The following FEM1C variants were observed in gnomAD, a reference collection of about 807,000 sequenced individuals.
FEM1C encodes the protein protein fem-1 homolog C.
FEM1C carries 15 observed loss-of-function variants against 37.6 expected under a neutral mutation model. The ratio of observed to expected loss-of-function variants is 0.40; its 90% CI spans 0.27 to 0.61. The LOEUF (loss-of-function observed/expected upper bound fraction) is 0.61. Ranked by LOEUF, FEM1C falls within the 20% of genes least tolerant of loss-of-function variation. FEM1C has a pLI of 0.42. For synonymous variants in FEM1C, 287 were observed against 272.8 expected, an observed-to-expected ratio of 1.05 and a Z score of -0.51; for missense variants, 532 against 749.7, an observed-to-expected ratio of 0.71 and a Z score of 3.39.
Position 115,524,713 on chromosome 5 carries a change from G to T in FEM1C, c.1449C>A (p.Phe483Leu). ...TGTCCACAGCCAGATGAAGAGGGCT[G>T]AAGTTATTCTTTCCCCTTGGATGCA... ...LKLHPRGKNN[F>L]SPLHLAVDKN... Residue 483 changes from phenylalanine (F) to leucine (L), a missense_variant, in exon 3 of 3, where the codon TTC (phenylalanine) becomes TTA (leucine). Physicochemically the swap from Phe to Leu is conservative, Grantham distance 22 (BLOSUM62 0). Around this residue, in one of 3 missense-constraint regions of FEM1C, gnomAD observed 237 missense variants for 260.5 expected, o/e 0.91. Transcript: ENST00000274457. 6.5e-7 allele frequency: 1 copy of T among 1,542,172 alleles called. No homozygotes were observed. Among genetic ancestry groups the T allele is most frequent in the Non-Finnish European group, 8.7e-7 (1 of 1,149,068 alleles).
intron 2 of FEM1C, among the ~76,000 whole-genome samples, chr5:115,533,554 T>C (rs1055811168): frequency 5.9e-5 from 9 of 151,992 alleles, no homozygotes; most frequent in Non-Finnish European, 1.0e-4. Context: ...ACATAATTGA[T>C]TTAAAGTTTT....
At chr5:115,527,267 T>C (rs1485546548) in intron 2 of FEM1C, among the ~76,000 whole-genome samples, 1 of 152,146 alleles carries the variant, frequency 6.6e-6, no homozygotes, top group African/African-American at 2.4e-5. Flanking sequence ...GAAAGTATTT[T>C]AAACCTGAAT....
chr5:115,536,574 G>GA (rs918821180), intron 2 of FEM1C, among the ~76,000 whole-genome samples: 28 of 151,654 alleles, frequency 1.8e-4, no homozygotes, highest in Non-Finnish European at 3.0e-4. Flanking sequence ...GGGATAAAGG[G>GA]AAAAAAACAA....
chr5:115,532,541 G>A (rs256939), intron 2 of FEM1C, among the ~76,000 whole-genome samples: 92,644 of 149,302 alleles, frequency 0.62, 29,680 homozygotes, highest in African/African-American at 0.81. Context: ...AAACAGAGGG[G>A]AAAAAAAAAA....
At chr5:115,541,023 A>C (rs919650386) in intron 2 of FEM1C, among the ~76,000 whole-genome samples, 2 of 152,100 alleles carry the variant, frequency 1.3e-5, no homozygotes, top group Non-Finnish European at 2.9e-5. Flanking sequence ...CTGTCATTTG[A>C]TCTACCAAGC....
intron 2 of FEM1C, among the ~76,000 whole-genome samples, chr5:115,537,773 G>A (rs186552363): frequency 6.6e-6 from 1 of 151,992 alleles, no homozygotes; most frequent in Admixed American, 6.6e-5. Flanking sequence ...GGTGTGCTGA[G>A]GTAACCAACA....
In FEM1C at chr5:115,541,397, T is replaced by C. The variant is rs373297692; in HGVS notation, c.544+1553A>G. On this transcript the variant is annotated intron_variant, in intron 2 of 2. Coordinates refer to ENST00000274457, the MANE Select transcript of FEM1C (RefSeq NM_020177.3). ...TCATTTTTATAAAAGATCACACTTG[T>C]ATCATTTTTATAAAAGATCACACAA... Among the ~76,000 whole-genome samples the C allele has an allele frequency of 1.3e-4, 20 of 152,084 alleles. No individual in the cohort carries two copies. In the East Asian group the frequency reaches 1.7e-3, roughly 13 times the overall value.
In FEM1C at chr5:115,544,199, G is replaced by C. The variant is rs1437597680; in HGVS notation, c.-191+324C>G. On this transcript the variant is annotated intron_variant, in intron 1 of 2. Coordinates refer to ENST00000274457, the MANE Select transcript of FEM1C (RefSeq NM_020177.3). ...TTCTCTTTCCTTTAAAACTACTCACGGCTCTCAGGAAATCCGCCTGCCTTT... is the reference window on the plus strand; with the variant it reads ...TTCTCTTTCCTTTAAAACTACTCACCGCTCTCAGGAAATCCGCCTGCCTTT... 6.1e-6 allele frequency: 6 copies of C among 984,018 alleles called. No homozygotes were observed. The East Asian group carries it at 3.4e-4, about 56-fold the overall frequency. The allele number at this position is 984,018 out of a possible 1,614,324, so 61.0% of individuals were successfully genotyped here.
rs984434760 is a variant in FEM1C at position 115,523,958 on chromosome 5, G to A, written c.*350C>T. ...AAGCAAGAAAAAAAGACTTTCAATT[G>A]TATAAAATTCACAAACCAGTAAAGT... On this transcript the variant is annotated 3_prime_UTR_variant, in exon 3 of 3. Transcript: ENST00000274457. 15 of 192,576 alleles carry A rather than the reference G, an allele frequency of 7.8e-5. No homozygotes were observed. The highest frequency in any genetic ancestry group is 2.1e-4 in the Admixed American group (4 of 18,746). The allele number at this position is 192,576 out of a possible 1,614,324, so 11.9% of individuals were successfully genotyped here. A position where few individuals can be genotyped will look rare whatever the true frequency, so the allele number is the denominator to read the frequency against.
Position 115,543,599 on chromosome 5 carries a change from T to G in FEM1C, c.-106A>C, listed in dbSNP as rs1297638659. ...CACAGGAACCAAAGTCCAATGTTAA[T>G]TGCTGCACCCCAGAACGGATACACA... is the stretch of plus-strand genomic sequence containing the variant. On this transcript the variant is annotated 5_prime_UTR_variant, in exon 2 of 3. Transcript: ENST00000274457. The G allele has an allele frequency of 6.7e-7, 1 of 1,484,804 alleles. No homozygotes were observed. Among genetic ancestry groups the G allele is most frequent in the Non-Finnish European group, 8.9e-7 (1 of 1,127,058 alleles). The allele number at this position is 1,484,804 out of a possible 1,614,324, so 92.0% of individuals were successfully genotyped here.
At position 115,524,681 on chromosome 5, in the gene FEM1C, G is replaced by A; in HGVS notation, c.1481C>T (p.Thr494Ile). ...AACAGGGTACCGCCCTACACATGTA[G>A]TATTCTTGTCCACAGCCAGATGAAG... ...SPLHLAVDKN[T>I]TCVGRYPVCK... The change falls in exon 3 of 3, where the codon ACT (threonine) becomes ATT (isoleucine). Residue 494 changes from threonine to isoleucine, a missense_variant. This residue lies in a region of FEM1C where 237 missense variants were observed against 260.5 expected (regional missense o/e 0.91). Coordinates refer to ENST00000274457, the MANE Select transcript of FEM1C (RefSeq NM_020177.3). 6.5e-7 allele frequency: 1 copy of A among 1,548,578 alleles called. No individual in the cohort carries two copies. The highest frequency in any genetic ancestry group is 8.7e-7 in the Non-Finnish European group (1 of 1,152,120).
intron 1 of FEM1C, among the ~76,000 whole-genome samples, 185 bp downstream of exon 1, chr5:115,544,338 C>A (rs1554089903): frequency 6.6e-6 from 1 of 151,588 alleles, no homozygotes; most frequent in Non-Finnish European, 1.5e-5. Flanking sequence ...TCTCCCTGTT[C>A]CAGACAACGG....
intron 2 of FEM1C, among the ~76,000 whole-genome samples, chr5:115,537,173 T>C (rs1754146344): frequency 6.6e-6 from 1 of 152,048 alleles, no homozygotes; most frequent in Admixed American, 6.6e-5. Flanking sequence ...CTTCCACTTC[T>C]ATCTTCCATC....
chr5:115,523,848 G>C lies in FEM1C; in HGVS notation c.*460C>G, dbSNP rs1753824966. On this transcript the variant is annotated 3_prime_UTR_variant, in exon 3 of 3. Coordinates refer to ENST00000274457, the MANE Select transcript of FEM1C (RefSeq NM_020177.3). ...CTTAAGGTTTGTACAACCTAGTATG[G>C]GTCCATAAGGAAAAAACTGTAGTAG... 1 of 167,846 alleles carries C rather than the reference G, an allele frequency of 6.0e-6. No homozygotes were observed. Among genetic ancestry groups the C allele is most frequent in the Admixed American group, 5.6e-5 (1 of 17,842 alleles). 10.4% of individuals were successfully genotyped at this position (167,846 alleles called of 1,614,324 possible).
At position 115,523,617 on chromosome 5, in the gene FEM1C, T is replaced by C. The variant is rs760616653; in HGVS notation, c.*691A>G. The C allele has an allele frequency of 1.3e-5, 2 of 152,518 alleles. No homozygotes were observed. The highest frequency in any genetic ancestry group is 2.4e-5 in the African/African-American group (1 of 41,458). The allele number at this position is 152,518 out of a possible 1,614,324, so 9.4% of individuals were successfully genotyped here. A position where few individuals can be genotyped will look rare whatever the true frequency, so the allele number is the denominator to read the frequency against. On this transcript the variant is annotated 3_prime_UTR_variant, in exon 3 of 3. Transcript: ENST00000274457. ...AAAAAACAAACAAAAAAGCTTGAGC[T>C]ATAATAGCTAACCTGCAGCTCTAAA... is the stretch of plus-strand genomic sequence containing the variant.
At chr5:115,532,442 G>T (rs1345134516) in intron 2 of FEM1C, among the ~76,000 whole-genome samples, 1 of 151,808 alleles carries the variant, frequency 6.6e-6, no homozygotes, top group Non-Finnish European at 1.5e-5. Context: ...AACAGGTTAA[G>T]TGTATAACCA....
In FEM1C at chr5:115,524,265, T is replaced by C; in HGVS notation, c.*43A>G. On this transcript the variant is annotated 3_prime_UTR_variant, in exon 3 of 3. Transcript: ENST00000274457. ...ACAGTGCTCATTTATGAAACAACTG[T>C]TACCAATTCGTGCTTTAACAGTGCT... 8 of 1,517,900 alleles carry C rather than the reference T, an allele frequency of 5.3e-6. No individual in the cohort carries two copies. Among genetic ancestry groups the C allele is most frequent in the Non-Finnish European group, 7.3e-6 (8 of 1,096,696 alleles). 94.0% of individuals were successfully genotyped at this position (1,517,900 alleles called of 1,614,324 possible). A position where few individuals can be genotyped will look rare whatever the true frequency, so the allele number is the denominator to read the frequency against.
At chr5:115,529,907 T>C (rs566230208) in intron 2 of FEM1C, among the ~76,000 whole-genome samples, 3 of 151,650 alleles carry the variant, frequency 2.0e-5, no homozygotes, top group Admixed American at 6.6e-5. Flanking sequence ...AATCCAAAAG[T>C]GGCAAAAAAG....
chr5:115,523,983 T>C lies in FEM1C; in HGVS notation c.*325A>G, dbSNP rs1258837048. Reference sequence around the variant, plus strand: ...GTATAAAATTCACAAACCAGTAAAGTATAAAGACACCATGGAGAAATGGTT... The same window carrying C: ...GTATAAAATTCACAAACCAGTAAAGCATAAAGACACCATGGAGAAATGGTT... On this transcript the variant is annotated 3_prime_UTR_variant, in exon 3 of 3. Transcript: ENST00000274457. 1.3e-5 allele frequency: 3 copies of C among 239,386 alleles called. No homozygotes were observed. The highest frequency in any genetic ancestry group is 6.7e-5 in the South Asian group (1 of 14,936). The allele number at this position is 239,386 out of a possible 1,614,324, so 14.8% of individuals were successfully genotyped here. A position where few individuals can be genotyped will look rare whatever the true frequency, so the allele number is the denominator to read the frequency against.
Sources: gnomAD v4.1 joint callset for allele counts (sites outside exome capture counted in the v4.1 genomes callset) on GRCh38, gnomAD v4.1.1 for gene constraint, gnomAD v4.1.1 regional missense constraint, MANE v1.5 for transcripts, NCBI Gene and HGNC (gene_info 2026-07-23, HGNC 2026-07-21) for gene names.